Variants in SEMA3C observed in about 807,000 individuals in gnomAD.
SEMA3C encodes the protein semaphorin 3C.
SEMA3C carries 47 observed loss-of-function variants against 89.4 expected under a neutral mutation model. That is an observed-to-expected ratio of 0.53 (90% CI 0.42 to 0.67). The LOEUF is 0.67. Ranked by LOEUF, SEMA3C falls within the 30% of genes least tolerant of loss-of-function variation. SEMA3C has a pLI of 0.00. For missense variants in SEMA3C, 839 were observed against 929.1 expected (o/e 0.90, Z 1.26); for synonymous variants, 310 against 320.2 (o/e 0.97, Z 0.34).
intron 7 of SEMA3C, 97 bp from the exon 8 acceptor site, chr7:80,804,345 G>T: frequency 1.3e-6 from 1 of 797,124 alleles, no homozygotes; most frequent in East Asian, 3.2e-5. Flanking sequence ...CCCATCTTTG[G>T]TAGAAAAAAA....
chr7:80,873,027 A>C (rs566122299), intron 2 of SEMA3C, among the ~76,000 whole-genome samples: 6 of 152,020 alleles, frequency 3.9e-5, no homozygotes, highest in African/African-American at 1.4e-4. Context: ...AGGGATCCCC[A>C]GACCACGCTT....
At chr7:80,819,512 T>C (rs1051639470) in intron 4 of SEMA3C, among the ~76,000 whole-genome samples, 6 of 152,200 alleles carry the variant, frequency 3.9e-5, no homozygotes, top group Non-Finnish European at 1.5e-5. Context: ...TAGTGCACAA[T>C]GGCAGACACT....
intron 5 of SEMA3C, among the ~76,000 whole-genome samples, chr7:80,817,140 T>C (rs1162318028): frequency 1.3e-5 from 2 of 152,204 alleles, no homozygotes; most frequent in African/African-American, 2.4e-5. Context: ...TAATATTTCA[T>C]AGCATCTTGA....
chr7:80,784,555 A>G (rs1788759451), intron 12 of SEMA3C, among the ~76,000 whole-genome samples: 2 of 152,192 alleles, frequency 1.3e-5, no homozygotes, highest in African/African-American at 2.4e-5. Context: ...AGCTTCTTGA[A>G]GAAGTATTAA....
chr7:80,922,379 T>C (rs980753326), upstream of SEMA3C: 1 of 1,009,842 alleles, frequency 9.9e-7, no homozygotes, highest in Non-Finnish European at 1.4e-6. Flanking sequence ...AAGTCTCAAC[T>C]TCCAATGGTT....
In SEMA3C at chr7:80,853,566, A is replaced by G. The variant is rs187035943; in HGVS notation, c.104-24821T>C. 1.4e-3 allele frequency among the ~76,000 whole-genome samples: 218 copies of G among 152,314 alleles called. 1 individual carries two copies. In the Middle Eastern group the frequency reaches 0.024, roughly 17 times the overall value. On this transcript the variant is annotated intron_variant, in intron 2 of 17. Transcript: ENST00000265361. ...ACTCATTTATGGGAGCTAAAAATAA[A>G]AGCAATTGAACTCAGGGAGATAGAC...
chr7:80,893,899 A>G (rs1272657475), intron 2 of SEMA3C, among the ~76,000 whole-genome samples: 1 of 151,998 alleles, frequency 6.6e-6, no homozygotes, highest in Non-Finnish European at 1.5e-5. Context: ...AATGTAAACA[A>G]CGTTACAACG....
chr7:80,763,342 C>T (rs1344742812), intron 13 of SEMA3C, among the ~76,000 whole-genome samples: 4 of 152,186 alleles, frequency 2.6e-5, no homozygotes, highest in Non-Finnish European at 5.9e-5. Context: ...TTTTACCTCA[C>T]CTCAGAAATG....
chr7:80,748,003 T>C (rs200692828), intron 17 of SEMA3C, among the ~76,000 whole-genome samples: 1 of 152,192 alleles, frequency 6.6e-6, no homozygotes, highest in East Asian at 1.9e-4. Context: ...CAGCTTAGGG[T>C]GGTACTCAGT....
chr7:80,832,796 T>C (rs903907671), intron 2 of SEMA3C, among the ~76,000 whole-genome samples: 1 of 152,180 alleles, frequency 6.6e-6, no homozygotes, highest in Non-Finnish European at 1.5e-5. Flanking sequence ...ACTCCATTAT[T>C]ACTGGAATAT....
At chr7:80,887,446 C>T (rs975193800) in intron 2 of SEMA3C, among the ~76,000 whole-genome samples, 7 of 152,120 alleles carry the variant, frequency 4.6e-5, no homozygotes, top group African/African-American at 1.7e-4. Context: ...AATATATTAA[C>T]TTTAGAGTAA....
At chr7:80,862,407 G>C (rs1790793994) in intron 2 of SEMA3C, among the ~76,000 whole-genome samples, 1 of 152,022 alleles carries the variant, frequency 6.6e-6, no homozygotes, top group African/African-American at 2.4e-5. Context: ...CCTCTACAAG[G>C]AAAACTACAA....
At position 80,829,578 on chromosome 7, in the gene SEMA3C, T is replaced by A. The variant is rs1583918318; in HGVS notation, c.104-833A>T. The stretch of plus-strand genomic sequence containing the variant: ...AAGTAGACGTATTTTCAGGAGGCAA[T>A]GTTATTTTTAGCAGCATAACTATTC... On this transcript the variant is annotated intron_variant, in intron 2 of 17. Coordinates refer to ENST00000265361, the MANE Select transcript of SEMA3C (RefSeq NM_006379.5). 2.0e-5 allele frequency among the ~76,000 whole-genome samples: 3 copies of A among 152,302 alleles called. No homozygotes were observed. In the South Asian group the frequency reaches 6.2e-4, roughly 32 times the overall value.
chr7:80,752,707 T>C (rs1261613665), intron 15 of SEMA3C, among the ~76,000 whole-genome samples: 2 of 152,264 alleles, frequency 1.3e-5, no homozygotes, highest in East Asian at 3.9e-4. Flanking sequence ...TCGTGAGTCT[T>C]AGATTCACTA....
rs78273625 is a variant in SEMA3C, at chr7:80,753,516, G to GA, written c.1644-2181dup. ...CATAGCTTCTAGACATTGAAATGCA[G>GA]AAAAAAACATTGTTATGGCTTGGCT... On this transcript the variant is annotated intron_variant, in intron 15 of 17. Coordinates refer to ENST00000265361, the MANE Select transcript of SEMA3C (RefSeq NM_006379.5). 0.015 allele frequency among the ~76,000 whole-genome samples: 2,215 copies of GA among 152,190 alleles called. 175 individuals are homozygous for GA. The East Asian group carries it at 0.23, about 16-fold the overall frequency.
intron 12 of SEMA3C, among the ~76,000 whole-genome samples, chr7:80,788,446 G>T (rs1443123727): frequency 1.3e-5 from 2 of 152,148 alleles, no homozygotes; most frequent in Non-Finnish European, 2.9e-5. Context: ...TAGAGGGCTT[G>T]CGAAAACACA....
At position 80,842,323 on chromosome 7, in the gene SEMA3C, G is replaced by A. The variant is rs148811917; in HGVS notation, c.104-13578C>T. Among the ~76,000 whole-genome samples the A allele has an allele frequency of 7.6e-3, 1,163 of 152,192 alleles. 12 individuals carry two copies. Among genetic ancestry groups the A allele is most frequent in the African/African-American group, 0.026 (1,080 of 41,534 alleles). ...TCCAAATTTCACGTGATGGTATTTG[G>A]AGATGGCATCACTCAAGCTTTCAAA... On this transcript the variant is annotated intron_variant, in intron 2 of 17. Transcript: ENST00000265361.
intron 15 of SEMA3C, among the ~76,000 whole-genome samples, chr7:80,754,975 T>G (rs942553982): frequency 1.3e-5 from 2 of 148,504 alleles, no homozygotes; most frequent in African/African-American, 5.0e-5. Context: ...TTTTTTTGTA[T>G]TTTTAGTAGA....
At position 80,746,705 on chromosome 7, in the gene SEMA3C, G is replaced by T. The variant is rs533501196; in HGVS notation, c.1843-1398C>A. Among the ~76,000 whole-genome samples, 64 of 134,174 alleles carry T rather than the reference G, an allele frequency of 4.8e-4. No homozygotes were observed. The South Asian group carries it at 0.016, about 33-fold the overall frequency. 88.0% of individuals were successfully genotyped at this position (134,174 alleles called of 152,430 possible). ...AATATGAGCTGGAATCACATGTACT[G>T]ATATTGAAGTGGGGTGTGTGTGTGT... On this transcript the variant is annotated intron_variant, in intron 17 of 17. Coordinates refer to ENST00000265361, the MANE Select transcript of SEMA3C (RefSeq NM_006379.5).
Sources: gnomAD v4.1 joint callset for allele counts (sites outside exome capture counted in the v4.1 genomes callset) on GRCh38, gnomAD v4.1.1 for gene constraint, MANE v1.5 for transcripts, NCBI Gene and HGNC (gene_info 2026-07-23, HGNC 2026-07-21) for gene names.